The following HTR7 variants were observed in gnomAD, a reference collection of about 807,000 sequenced individuals.
HTR7 encodes 5-HT-7.
In HTR7, 16 loss-of-function variants were observed where a neutral mutation model predicts 34.0. That is an observed-to-expected ratio of 0.47 (90% CI 0.32 to 0.71). The LOEUF is 0.71. Ranked by LOEUF, HTR7 falls within the 30% of genes least tolerant of loss-of-function variation. HTR7 has a pLI of 0.04. For missense variants in HTR7, 504 were observed against 625.5 expected, an observed-to-expected ratio of 0.81 and a Z score of 2.07; for synonymous variants, 265 against 260.2, an observed-to-expected ratio of 1.02 and a Z score of -0.18.
chr10:90,750,619 T>C (rs756328671), intron 1 of HTR7, among the ~76,000 whole-genome samples: 1 of 152,180 alleles, frequency 6.6e-6, no homozygotes, highest in African/African-American at 2.4e-5. Context: ...AAAAGATACA[T>C]TCTTGAAACA....
In HTR7 at chr10:90,857,030, G is replaced by C. The variant is rs1007260448; in HGVS notation, c.539+103C>G. ...TGTTTTAAGCGCAGCCCTTCATCCC[G>C]CCTTGAAGTCTAGCTTGATCCTCCC... On this transcript the variant is annotated intron_variant, in intron 1 of 3. Transcript: ENST00000336152. This position sits in a 1 kb window ranked among gnomAD's most constrained non-coding sequence, Gnocchi z 6.5. The C allele has an allele frequency of 6.3e-6, 7 of 1,108,600 alleles. No homozygotes were observed. The highest frequency in any genetic ancestry group is 8.9e-6 in the Non-Finnish European group (7 of 786,748). 68.7% of individuals were successfully genotyped at this position (1,108,600 alleles called of 1,614,324 possible). A position where few individuals can be genotyped will look rare whatever the true frequency, so the allele number is the denominator to read the frequency against.
chr10:90,833,423 G>C (rs6583736), intron 1 of HTR7, among the ~76,000 whole-genome samples: 1 of 152,086 alleles, frequency 6.6e-6, no homozygotes, highest in Non-Finnish European at 1.5e-5. Flanking sequence ...TTCTGACTCT[G>C]GGTAACCTGA....
At chr10:90,813,721 C>T (rs1845855256) in intron 1 of HTR7, among the ~76,000 whole-genome samples, 1 of 152,140 alleles carries the variant, frequency 6.6e-6, no homozygotes, top group Non-Finnish European at 1.5e-5. Context: ...AAATGGCTAC[C>T]TGGGGCTAGG....
At chr10:90,758,553 C>T (rs1208140362) in intron 1 of HTR7, among the ~76,000 whole-genome samples, 3 of 151,984 alleles carry the variant, frequency 2.0e-5, no homozygotes, top group African/African-American at 7.2e-5. Flanking sequence ...AAGTACCTAA[C>T]AAGTAGGGGG....
chr10:90,799,338 C>CATGAATGA (rs113835217), intron 1 of HTR7, among the ~76,000 whole-genome samples: 93 of 150,552 alleles, frequency 6.2e-4, no homozygotes, highest in South Asian at 1.1e-3. Context: ...GCCGGCTCTG[C>CATGAATGA]ATGAATGAAT....
intron 1 of HTR7, among the ~76,000 whole-genome samples, chr10:90,832,609 C>A (rs1420964411): frequency 6.6e-6 from 1 of 152,192 alleles, no homozygotes; most frequent in African/African-American, 2.4e-5. Flanking sequence ...TCAGCCAGCC[C>A]AGAGAAGGGC....
intron 1 of HTR7, among the ~76,000 whole-genome samples, chr10:90,853,531 C>T (rs1468875765): frequency 6.6e-6 from 1 of 151,356 alleles, no homozygotes; most frequent in East Asian, 1.9e-4. Flanking sequence ...TCTTGAACTC[C>T]AGGGCTCCAG....
chr10:90,746,541 T>A (rs1181486345), intron 2 of HTR7, among the ~76,000 whole-genome samples: 3 of 152,180 alleles, frequency 2.0e-5, no homozygotes, highest in Non-Finnish European at 4.4e-5. Flanking sequence ...ATGTTACTCC[T>A]GAGAACTAAA....
chr10:90,752,380 T>C (rs1338610061), intron 1 of HTR7, among the ~76,000 whole-genome samples: 4 of 152,060 alleles, frequency 2.6e-5, no homozygotes, highest in Non-Finnish European at 4.4e-5. Flanking sequence ...AAATACAAAA[T>C]GCTACTGAGG....
intron 1 of HTR7, among the ~76,000 whole-genome samples, chr10:90,848,189 A>C (rs1050655545): frequency 9.4e-5 from 14 of 149,092 alleles, no homozygotes; most frequent in African/African-American, 3.2e-4. Flanking sequence ...CTGCCTCCCG[A>C]GTAACTGGGA....
intron 1 of HTR7, among the ~76,000 whole-genome samples, chr10:90,816,698 C>T (rs1301645164): frequency 1.3e-5 from 2 of 152,120 alleles, no homozygotes; most frequent in African/African-American, 2.4e-5. Flanking sequence ...ATTTAAGAGC[C>T]TATGAATCTC....
At chr10:90,769,596 T>C (rs1845075711) in intron 1 of HTR7, among the ~76,000 whole-genome samples, 1 of 152,232 alleles carries the variant, frequency 6.6e-6, no homozygotes, top group Non-Finnish European at 1.5e-5. Context: ...ATCAAAATTA[T>C]TTTCTGGTTT....
At chr10:90,766,214 T>A (rs1845021366) in intron 1 of HTR7, among the ~76,000 whole-genome samples, 1 of 152,218 alleles carries the variant, frequency 6.6e-6, no homozygotes, top group African/African-American at 2.4e-5. Flanking sequence ...GTTAAATGCA[T>A]AAATATTTAA....
At chr10:90,816,719 T>A (rs1845903725) in intron 1 of HTR7, among the ~76,000 whole-genome samples, 1 of 152,174 alleles carries the variant, frequency 6.6e-6, no homozygotes, top group Admixed American at 6.5e-5. Context: ...CCTAATTTGA[T>A]ATCCCACCGG....
intron 1 of HTR7, among the ~76,000 whole-genome samples, chr10:90,820,736 C>A (rs1006617731): frequency 1.1e-4 from 17 of 152,134 alleles, no homozygotes; most frequent in African/African-American, 3.9e-4. Context: ...GCTTACAAAG[C>A]ATTTACCCAG....
chr10:90,789,534 T>C (rs532948427), intron 1 of HTR7, among the ~76,000 whole-genome samples: 3 of 150,654 alleles, frequency 2.0e-5, no homozygotes, highest in African/African-American at 4.8e-5. Flanking sequence ...TAAATCCAAG[T>C]GCCGAGACAT....
At chr10:90,836,555 ACG>A (rs138890821) in intron 1 of HTR7, among the ~76,000 whole-genome samples, 11,591 of 152,250 alleles carry the variant, frequency 0.076, 473 homozygotes, top group Non-Finnish European at 0.095. Flanking sequence ...TCTGTTGCTC[ACG>A]CTGGAGTACA....
chr10:90,754,255 G>A (rs1434036469), intron 1 of HTR7, among the ~76,000 whole-genome samples: 1 of 151,864 alleles, frequency 6.6e-6, no homozygotes, highest in Non-Finnish European at 1.5e-5. Flanking sequence ...TTATACAAAA[G>A]AAAAAGAACT....
Position 90,766,333 on chromosome 10 carries a change from C to T in HTR7, c.540-16739G>A, listed in dbSNP as rs529495914. 7.9e-5 allele frequency among the ~76,000 whole-genome samples: 12 copies of T among 152,300 alleles called. No individual in the cohort carries two copies. In the East Asian group the frequency reaches 2.1e-3, roughly 27 times the overall value. On this transcript the variant is annotated intron_variant, in intron 1 of 3. Transcript: ENST00000336152. ...TCTATTTTGTTTGATATAAGTGGAT[C>T]CACTGCTACTCTCTTTTGGTACTAC...
Sources: allele counts gnomAD v4.1 joint callset (sites outside exome capture counted in the v4.1 genomes callset), GRCh38; gene constraint gnomAD v4.1.1; non-coding constraint Gnocchi (gnomAD v3.1); transcripts MANE v1.5; gene names NCBI Gene and HGNC (gene_info 2026-07-23, HGNC 2026-07-21).